The following UGT1A1 variants were observed in gnomAD, a reference collection of about 807,000 sequenced individuals.
The protein encoded by UGT1A1 is UDP-glucuronosyltransferase 1A1.
In UGT1A1, 33 loss-of-function variants were observed where a neutral mutation model predicts 40.6. The observed-to-expected ratio is 0.81, with a 90% CI of 0.62 to 1.09. UGT1A1 has a LOEUF of 1.09. Among genes scored for constraint, UGT1A1 ranks in the 50% least tolerant of loss-of-function variants. The pLI, the probability that UGT1A1 is intolerant of heterozygous loss-of-function variation, is 0.00. For synonymous variants in UGT1A1, 249 were observed against 265.0 expected, an observed-to-expected ratio of 0.94 and a Z score of 0.59; for missense variants, 694 against 671.2, an observed-to-expected ratio of 1.03 and a Z score of -0.38.
At chr2:233,766,771 C>A (rs71528513) in intron 1 of UGT1A1, among the ~76,000 whole-genome samples, 1 of 152,170 alleles carries the variant, frequency 6.6e-6, no homozygotes, top group Admixed American at 6.5e-5. Flanking sequence ...TGTACCTGTG[C>A]TTTTCTTTTG....
intron 4 of UGT1A1, among the ~76,000 whole-genome samples, 182 bp downstream of exon 4, chr2:233,768,621 C>T (rs186985441): frequency 1.7e-5 from 2 of 116,022 alleles, no homozygotes; most frequent in East Asian, 2.7e-4. Flanking sequence ...GAGTCTTGCT[C>T]TGTCACCTAG....
chr2:233,767,309 T>A, intron 2 of UGT1A1, 144 bp downstream of exon 2: 2 of 1,517,866 alleles, frequency 1.3e-6, no homozygotes, highest in Non-Finnish European at 8.7e-7. Context: ...CCAAAGGTTT[T>A]TTTTGTTGTT....
At chr2:233,761,908 A>G (rs535316155) in intron 1 of UGT1A1, among the ~76,000 whole-genome samples, 1 of 152,320 alleles carries the variant, frequency 6.6e-6, no homozygotes, top group South Asian at 2.1e-4. Flanking sequence ...TTGGCTGAGG[A>G]TCTACTGGCA....
At position 233,768,335 on chromosome 2, in the gene UGT1A1, T is replaced by C. The variant is rs754652167; in HGVS notation, c.1200T>C (p.Asn400=). 1.9e-6 allele frequency: 3 copies of C among 1,614,076 alleles called. No homozygotes were observed. The highest frequency in any genetic ancestry group is 2.5e-6 in the Non-Finnish European group (3 of 1,180,042). Residue 400 remains asparagine, a synonymous_variant, in exon 4 of 5, where the codon AAT becomes AAC. Transcript: ENST00000305208. ...CCTTGTTTGGTGATCAGATGGACAA[T>C]GCAAAGCGCATGGAGACTAAGGGAG... ...MMPLFGDQMD[N]AKRMETKGAG...
intron 4 of UGT1A1, among the ~76,000 whole-genome samples, chr2:233,768,769 A>G (rs1559416355): frequency 6.6e-6 from 1 of 151,738 alleles, no homozygotes; most frequent in Non-Finnish European, 1.5e-5. Flanking sequence ...TTTTTAGTAG[A>G]GAAAGGGTTT....
rs2125985983 is a variant in UGT1A1, at chr2:233,760,565, T to C, written c.278T>C (p.Val93Ala). The stretch of plus-strand genomic sequence containing the variant: ...AGGGAGGATGTGAAAGAGTCTTTTG[T>C]TAGTCTCGGGCATAATGTTTTTGAG... ...FQREDVKESF[V>A]SLGHNVFEND... is the part of the protein sequence containing the mutation. Residue 93 changes from valine (V) to alanine (A), a missense_variant, in exon 1 of 5, where the codon GTT becomes GCT. Coordinates refer to ENST00000305208, the MANE Select transcript of UGT1A1 (RefSeq NM_000463.3). The C allele has an allele frequency of 6.2e-7, 1 of 1,614,264 alleles. No homozygotes were observed. Among genetic ancestry groups the C allele is most frequent in the Non-Finnish European group, 8.5e-7 (1 of 1,180,054 alleles).
chr2:233,766,281 G>A (rs1699102730), intron 1 of UGT1A1, among the ~76,000 whole-genome samples: 1 of 151,840 alleles, frequency 6.6e-6, no homozygotes. Context: ...GGTGGCCCGG[G>A]CTCGGTGGCC....
In UGT1A1 at chr2:233,769,761, G is replaced by C; in HGVS notation, c.1304+1322G>C. 7.1e-6 allele frequency: 10 copies of C among 1,414,228 alleles called. No homozygotes were observed. The highest frequency in any genetic ancestry group is 9.3e-6 in the Non-Finnish European group (10 of 1,080,644). 87.6% of individuals were successfully genotyped at this position (1,414,228 alleles called of 1,614,324 possible). A position where few individuals can be genotyped will look rare whatever the true frequency, so the allele number is the denominator to read the frequency against. On this transcript the variant is annotated intron_variant, in intron 4 of 4. Transcript: ENST00000305208. The surrounding 1 kb of genome is among the most constrained non-coding windows in gnomAD (Gnocchi z 4.4). ...TCCCAGCCACTCTGGAGGCTAAGGC[G>C]GGAGGATTGCTTGAGCCCAGAAGTT...
chr2:233,772,754 T>C lies in UGT1A1; in HGVS notation c.*195T>C. On this transcript the variant is annotated 3_prime_UTR_variant, in exon 5 of 5. Transcript: ENST00000305208. ...GCTAGTCAGTAAAGATATTTGAATA[T>C]GTATCGTGCCCCCTCTGGTGTCTTT... 2 of 1,409,478 alleles carry C rather than the reference T, an allele frequency of 1.4e-6. No individual in the cohort carries two copies. Among genetic ancestry groups the C allele is most frequent in the Non-Finnish European group, 1.9e-6 (2 of 1,074,872 alleles). 87.3% of individuals were successfully genotyped at this position (1,409,478 alleles called of 1,614,324 possible).
Position 233,767,048 on chromosome 2 carries a change from C to T in UGT1A1, c.879C>T (p.Tyr293=), listed in dbSNP as rs1206098754. Residue 293 remains tyrosine (Y), a synonymous_variant, in exon 2 of 5, where the codon TAC becomes TAT. Transcript: ENST00000305208. ...TCTGGCTCTAGGAATTTGAAGCCTACATTAATGCTTCTGGAGAACATGGAA... is the reference window on the plus strand; with the variant it reads ...TCTGGCTCTAGGAATTTGAAGCCTATATTAATGCTTCTGGAGAACATGGAA... ...QNPLSQEFEA[Y]INASGEHGIV... 1.9e-6 allele frequency: 3 copies of T among 1,614,068 alleles called. No homozygotes were observed. Among genetic ancestry groups the T allele is most frequent in the Admixed American group, 3.3e-5 (2 of 60,010 alleles).
chr2:233,773,017 C>A lies in UGT1A1; in HGVS notation c.*458C>A. 4.9e-6 allele frequency: 1 copy of A among 206,174 alleles called. No individual in the cohort carries two copies. The allele number at this position is 206,174 out of a possible 1,614,324, so 12.8% of individuals were successfully genotyped here. ...CTCTGTCGTGCTTCATAGGTGCCAC[C>A]TTGTGTGTTTAAAGAAGGGAAGCTT... On this transcript the variant is annotated 3_prime_UTR_variant, in exon 5 of 5. Transcript: ENST00000305208.
intron 1 of UGT1A1, among the ~76,000 whole-genome samples, chr2:233,765,710 AT>A (rs1243221658): frequency 7.2e-6 from 1 of 138,280 alleles, no homozygotes; most frequent in East Asian, 2.2e-4. Context: ...AATAATAATA[AT>A]TAATAATAAT....
intron 1 of UGT1A1, among the ~76,000 whole-genome samples, chr2:233,761,825 G>A (rs1697874860): frequency 6.6e-6 from 1 of 152,234 alleles, no homozygotes; most frequent in South Asian, 2.1e-4. Flanking sequence ...GGCTCCTTCA[G>A]ATGGAGCGTT....
Position 233,768,248 on chromosome 2 carries a change from C to A in UGT1A1, c.1113C>A (p.Thr371=). The change falls in exon 4 of 5, where the codon ACC becomes ACA. Residue 371 remains threonine, a synonymous_variant. Transcript: ENST00000305208. ...LGHPMTRAFI[T]HAGSHGVYES... is the part of the protein sequence containing the mutation. Reference sequence around the variant, plus strand: ...ACCCGATGACCCGTGCCTTTATCACCCATGCTGGTTCCCATGGTGTTTATG... The same window carrying A: ...ACCCGATGACCCGTGCCTTTATCACACATGCTGGTTCCCATGGTGTTTATG... 1 of 1,614,138 alleles carries A rather than the reference C, an allele frequency of 6.2e-7. No homozygotes were observed. The highest frequency in any genetic ancestry group is 1.1e-5 in the South Asian group (1 of 91,084).
rs188436882 is a variant in UGT1A1, at chr2:233,767,775, A to G, written c.997-74A>G. ...TTCCTTCAGAGGACCCCTGTTTTCT[A>G]GTTAGTATAGCAGATTTGTTTTCTA... is the stretch of plus-strand genomic sequence containing the variant. On this transcript the variant is annotated intron_variant, in intron 2 of 4. Transcript: ENST00000305208. 16 of 1,612,270 alleles carry G rather than the reference A, an allele frequency of 9.9e-6. No individual in the cohort carries two copies. In the East Asian group the frequency reaches 3.1e-4, roughly 31 times the overall value.
Position 233,760,271 on chromosome 2 carries a change from G to GC in UGT1A1, c.-16dup. The GC allele has an allele frequency of 2.5e-6, 4 of 1,612,226 alleles. No homozygotes were observed. The highest frequency in any genetic ancestry group is 3.4e-6 in the Non-Finnish European group (4 of 1,179,898). On this transcript the variant is annotated 5_prime_UTR_variant, in exon 1 of 5. Transcript: ENST00000305208. ...ATAAGTAGGAGAGGGCGAACCTCTG[G>GC]CAGGAGCAAAGGCGCCATGGCTGTG...
intron 4 of UGT1A1, chr2:233,771,391 T>C (rs562546600): frequency 6.6e-6 from 1 of 152,294 alleles, no homozygotes; most frequent in East Asian, 1.9e-4. Flanking sequence ...GATGTTCTGA[T>C]TGGGCAATGA....
chr2:233,770,905 C>G (rs1053326631), intron 4 of UGT1A1: 4 of 152,124 alleles, frequency 2.6e-5, no homozygotes, highest in Non-Finnish European at 5.9e-5. Context: ...GCAGGCTGTA[C>G]AGGAAGCTTA....
At chr2:233,762,352 C>T (rs1368513264) in intron 1 of UGT1A1, among the ~76,000 whole-genome samples, 3 of 152,200 alleles carry the variant, frequency 2.0e-5, no homozygotes, top group South Asian at 2.1e-4. Flanking sequence ...GTTCTTTGTA[C>T]TCCAGCTATT....
Sources: gnomAD v4.1 joint callset for allele counts (sites outside exome capture counted in the v4.1 genomes callset) on GRCh38, gnomAD v4.1.1 for gene constraint, Gnocchi (gnomAD v3.1) non-coding constraint, MANE v1.5 for transcripts, NCBI Gene and HGNC (gene_info 2026-07-23, HGNC 2026-07-21) for gene names.